LRP1: variants seen among roughly 807,000 people sequenced by gnomAD.
LRP1 encodes the protein LDL receptor related protein 1, also known as prolow-density lipoprotein receptor-related protein 1.
LRP1 carries 51 observed loss-of-function variants against 541.5 expected under a neutral mutation model. The ratio of observed to expected loss-of-function variants is 0.09; its 90% CI spans 0.08 to 0.12. The LOEUF (loss-of-function observed/expected upper bound fraction) is 0.12. Ranked by LOEUF, LRP1 falls within the 10% of genes least tolerant of loss-of-function variation. The pLI is 1.00. For synonymous variants in LRP1, 2,219 were observed against 2,470.8 expected (o/e 0.90, Z 3.02); for missense variants, 3,878 against 6,376.2 (o/e 0.61, Z 13.34).
rs2036602841 is a variant in LRP1, at chr12:57,199,454, C to G, written c.9865+54C>G. 6.4e-6 allele frequency: 10 copies of G among 1,558,928 alleles called. No individual in the cohort carries two copies. In the Admixed American group the frequency reaches 1.4e-4, roughly 21 times the overall value. On this transcript the variant is annotated intron_variant, in intron 61 of 88. Coordinates refer to ENST00000243077, the MANE Select transcript of LRP1 (RefSeq NM_002332.3). ...AACGGTGAGCCAGGCACCGGGGTCC[C>G]TGGGAGTTCCTGCTCATCCCTTCTC...
intron 20 of LRP1, among the ~76,000 whole-genome samples, chr12:57,172,133 C>T (rs1190491962): frequency 1.5e-4 from 22 of 150,250 alleles, no homozygotes; most frequent in Admixed American, 1.5e-3. Context: ...GATCTCGGCT[C>T]ACTGCAAGCT....
Position 57,198,335 on chromosome 12 carries a change from G to A in LRP1, c.9462G>A (p.Val3154=). The change falls in exon 59 of 89, where the codon GTG becomes GTA. Residue 3154 remains valine, a synonymous_variant. Transcript: ENST00000243077. ...AGCCCAGGGCTCTGGTGGTGGATGT[G>A]CAGAATGGGTATGTGGCTGAGGAGG... ...LREPRALVVD[V]QNGYLYWTDW... The A allele has an allele frequency of 6.2e-7, 1 of 1,613,358 alleles. No individual in the cohort carries two copies. The highest frequency in any genetic ancestry group is 8.5e-7 in the Non-Finnish European group (1 of 1,179,632).
At position 57,212,700 on chromosome 12, in the gene LRP1, C is replaced by T. The variant is rs1268406103; in HGVS notation, c.*145C>T. On this transcript the variant is annotated 3_prime_UTR_variant, in exon 89 of 89. Coordinates refer to ENST00000243077, the MANE Select transcript of LRP1 (RefSeq NM_002332.3). The surrounding 1 kb of genome is among the most constrained non-coding windows in gnomAD (Gnocchi z 5.0). ...GAAGGAATTACATTTTATATGTGAGCGAGCAAGCCGGCAAGCGAGCACAGT... is the reference window on the plus strand; with the variant it reads ...GAAGGAATTACATTTTATATGTGAGTGAGCAAGCCGGCAAGCGAGCACAGT... 1.9e-5 allele frequency: 17 copies of T among 893,092 alleles called. No homozygotes were observed. Among genetic ancestry groups the T allele is most frequent in the Non-Finnish European group, 2.6e-5 (16 of 608,504 alleles). The allele number at this position is 893,092 out of a possible 1,614,324, so 55.3% of individuals were successfully genotyped here. A position where few individuals can be genotyped will look rare whatever the true frequency, so the allele number is the denominator to read the frequency against.
rs200145430 is a variant in LRP1 at position 57,192,982 on chromosome 12, G to A, written c.7555+12G>A. 1.4e-5 allele frequency: 22 copies of A among 1,604,568 alleles called. No individual in the cohort carries two copies. The highest frequency in any genetic ancestry group is 8.8e-5 in the South Asian group (8 of 90,980). On this transcript the variant is annotated intron_variant, in intron 45 of 88. Transcript: ENST00000243077. ...CCTCACCTGCCGAGGTGAGAGAGGCGGGGGGGAGGGGCTGGCGGGGAACCC... is the reference window on the plus strand; with the variant it reads ...CCTCACCTGCCGAGGTGAGAGAGGCAGGGGGGAGGGGCTGGCGGGGAACCC...
chr12:57,140,923 G>A (rs1000309522), intron 2 of LRP1, among the ~76,000 whole-genome samples: 5 of 152,046 alleles, frequency 3.3e-5, no homozygotes, highest in Non-Finnish European at 4.4e-5. Flanking sequence ...TAGTAGAGAC[G>A]GGGTTTCACC....
intron 67 of LRP1, 60 bp from the exon 68 acceptor site, chr12:57,202,361 T>G: frequency 3.0e-6 from 4 of 1,326,790 alleles, no homozygotes; most frequent in Non-Finnish European, 4.4e-6. Context: ...CCATGCCTGC[T>G]TGGACCCTAA....
chr12:57,212,700 C>A lies in LRP1; in HGVS notation c.*145C>A. The A allele has an allele frequency of 1.1e-6, 1 of 893,204 alleles. No homozygotes were observed. The highest frequency in any genetic ancestry group is 1.6e-6 in the Non-Finnish European group (1 of 608,492). The allele number at this position is 893,204 out of a possible 1,614,324, so 55.3% of individuals were successfully genotyped here. A position where few individuals can be genotyped will look rare whatever the true frequency, so the allele number is the denominator to read the frequency against. ...GAAGGAATTACATTTTATATGTGAG[C>A]GAGCAAGCCGGCAAGCGAGCACAGT... On this transcript the variant is annotated 3_prime_UTR_variant, in exon 89 of 89. Coordinates refer to ENST00000243077, the MANE Select transcript of LRP1 (RefSeq NM_002332.3). This position sits in a 1 kb window ranked among gnomAD's most constrained non-coding sequence, Gnocchi z 5.0.
Position 57,185,939 on chromosome 12 carries a change from G to A in LRP1, c.6841+31G>A, listed in dbSNP as rs2036261499. On this transcript the variant is annotated intron_variant, in intron 41 of 88. Transcript: ENST00000243077. This position sits in a 1 kb window ranked among gnomAD's most constrained non-coding sequence, Gnocchi z 4.9. ...CCCAGACCCTAAGTCTTCCCAGGAA[G>A]TGGGACATGGGGCGGGGAGCAGCAC... 6.3e-7 allele frequency: 1 copy of A among 1,595,242 alleles called. No individual in the cohort carries two copies. Among genetic ancestry groups the A allele is most frequent in the Non-Finnish European group, 8.6e-7 (1 of 1,169,256 alleles).
intron 6 of LRP1, among the ~76,000 whole-genome samples, chr12:57,148,802 A>G (rs1468714693): frequency 1.1e-4 from 16 of 152,190 alleles, no homozygotes; most frequent in Admixed American, 1.0e-3. Context: ...AGGGGCTCTC[A>G]GAGGTCTCAG....
chr12:57,189,553 G>A lies in LRP1; in HGVS notation c.7032-1252G>A, dbSNP rs573429868. ...GGGCAGAGCAGCACCATTTTCCTAC[G>A]TGAGCCCAGCAGAAGGCGGGATAGT... On this transcript the variant is annotated intron_variant, in intron 42 of 88. Transcript: ENST00000243077. This position sits in a 1 kb window ranked among gnomAD's most constrained non-coding sequence, Gnocchi z 4.4. Among the ~76,000 whole-genome samples, 34 of 152,226 alleles carry A rather than the reference G, an allele frequency of 2.2e-4. No homozygotes were observed. The highest frequency in any genetic ancestry group is 7.0e-4 in the African/African-American group (29 of 41,522).
In LRP1 at chr12:57,198,673, C is replaced by A; in HGVS notation, c.9676+3C>A. The A allele has an allele frequency of 1.2e-6, 2 of 1,602,782 alleles. No homozygotes were observed. The highest frequency in any genetic ancestry group is 2.2e-5 in the South Asian group (2 of 89,240). The stretch of plus-strand genomic sequence containing the variant: ...GGATGGCTCCAATCGCCACGTTGGT[C>A]AGTGTGCCAGTGAGGCTGTCCAGGC... On this transcript the variant is annotated splice_donor_region_variant and intron_variant, in intron 60 of 88. Coordinates refer to ENST00000243077, the MANE Select transcript of LRP1 (RefSeq NM_002332.3).
At position 57,189,426 on chromosome 12, in the gene LRP1, T is replaced by C. The variant is rs2036331325; in HGVS notation, c.7032-1379T>C. ...CCTCCCTCCCAACTTACATCCCGAT[T>C]CCAGAGCCACCGCAAACCCCTGCTC... On this transcript the variant is annotated intron_variant, in intron 42 of 88. Coordinates refer to ENST00000243077, the MANE Select transcript of LRP1 (RefSeq NM_002332.3). The surrounding 1 kb of genome is among the most constrained non-coding windows in gnomAD (Gnocchi z 4.4). Among the ~76,000 whole-genome samples, 1 of 152,090 alleles carries C rather than the reference T, an allele frequency of 6.6e-6. No individual in the cohort carries two copies.
chr12:57,187,556 C>A, intron 42 of LRP1, 100 bp downstream of exon 42: 2 of 1,214,822 alleles, frequency 1.6e-6, no homozygotes, highest in African/African-American at 1.6e-5. Context: ...GAGAGGCAGG[C>A]CCTCACTTGA....
chr12:57,165,836 C>T lies in LRP1; in HGVS notation c.2562C>T (p.Cys854=). The change falls in exon 16 of 89, where the codon TGC becomes TGT. Residue 854 remains cysteine (C), a synonymous_variant. Coordinates refer to ENST00000243077, the MANE Select transcript of LRP1 (RefSeq NM_002332.3). This position sits in a 1 kb window ranked among gnomAD's most constrained non-coding sequence, Gnocchi z 4.5. ...CATCCTACGTGCCTCCACCCCAGTG[C>T]CAGCCAGGCGAGTTTGCCTGTGCCA... The part of the protein sequence containing the change: ...ANPSYVPPPQ[C]QPGEFACANS... 6.2e-7 allele frequency: 1 copy of T among 1,614,268 alleles called. No individual in the cohort carries two copies. Among genetic ancestry groups the T allele is most frequent in the Non-Finnish European group, 8.5e-7 (1 of 1,180,052 alleles).
At chr12:57,153,677 G>A (rs2035567339) in intron 6 of LRP1, among the ~76,000 whole-genome samples, 1 of 152,074 alleles carries the variant, frequency 6.6e-6, no homozygotes, top group Non-Finnish European at 1.5e-5. Context: ...CTTCCCTTTG[G>A]CATCTCTGTA....
chr12:57,191,102 G>C (rs1356419467), intron 43 of LRP1, 93 bp downstream of exon 43: 1 of 1,369,326 alleles, frequency 7.3e-7, no homozygotes, highest in African/African-American at 1.4e-5. Flanking sequence ...CACAGACATG[G>C]TGGGAACAGC....
At chr12:57,190,206 C>A (rs1178271932) in intron 42 of LRP1, among the ~76,000 whole-genome samples, 1 of 152,218 alleles carries the variant, frequency 6.6e-6, no homozygotes, top group Non-Finnish European at 1.5e-5. Flanking sequence ...CCACATACCC[C>A]AGGACCTGGG....
At chr12:57,167,406 C>G in intron 18 of LRP1, 38 bp from the exon 19 acceptor site, 1 of 1,426,356 alleles carries the variant, frequency 7.0e-7, no homozygotes, top group Non-Finnish European at 9.9e-7. Context: ...GCTGTGTAAT[C>G]GTGAAGGCCC....
At position 57,193,550 on chromosome 12, in the gene LRP1, A is replaced by G. The variant is rs1592649151; in HGVS notation, c.7685-16A>G. On this transcript the variant is annotated splice_polypyrimidine_tract_variant and intron_variant, in intron 46 of 88. Coordinates refer to ENST00000243077, the MANE Select transcript of LRP1 (RefSeq NM_002332.3). ...TGTGCCTGTGGCTGACACGCAGCCT[A>G]CTCCTCCATTTGCAGACTCCCGCCG... The G allele has an allele frequency of 3.7e-6, 6 of 1,611,690 alleles. No individual in the cohort carries two copies. In the East Asian group the frequency reaches 8.9e-5, roughly 24 times the overall value.
Sources: allele counts gnomAD v4.1 joint callset (sites outside exome capture counted in the v4.1 genomes callset), GRCh38; gene constraint gnomAD v4.1.1; non-coding constraint Gnocchi (gnomAD v3.1); transcripts MANE v1.5; gene names NCBI Gene and HGNC (gene_info 2026-07-23, HGNC 2026-07-21).